The following TM9SF3 variants were observed in gnomAD, a reference collection of about 807,000 sequenced individuals.
TM9SF3 encodes the protein SM-11044-binding protein.
Under a neutral mutation model 78.6 loss-of-function variants are expected in TM9SF3, and 14 were observed. The ratio of observed to expected loss-of-function variants is 0.18; its 90% CI spans 0.12 to 0.28. The LOEUF (loss-of-function observed/expected upper bound fraction) is 0.28. Among genes scored for constraint, TM9SF3 ranks in the 10% least tolerant of loss-of-function variants. The probability of loss-of-function intolerance (pLI) is 1.00; values close to 1 mark genes in which losing one functional copy is unlikely to be tolerated. For synonymous variants in TM9SF3, 231 were observed against 241.7 expected, an observed-to-expected ratio of 0.96 and a Z score of 0.41; for missense variants, 496 against 721.9, an observed-to-expected ratio of 0.69 and a Z score of 3.59.
intron 9 of TM9SF3, among the ~76,000 whole-genome samples, chr10:96,535,664 T>C (rs1274381603): frequency 6.6e-6 from 1 of 152,316 alleles, no homozygotes; most frequent in Middle Eastern, 3.4e-3. Context: ...CTCTAGTCAC[T>C]GTTCAGAGGA....
intron 7 of TM9SF3, among the ~76,000 whole-genome samples, chr10:96,549,422 A>G (rs542913508): frequency 1.3e-5 from 2 of 152,128 alleles, no homozygotes; most frequent in Non-Finnish European, 2.9e-5. Flanking sequence ...CTAGGTTCCA[A>G]TCCCAGCTCA....
Position 96,533,180 on chromosome 10 carries a change from C to G in TM9SF3, c.1196G>C (p.Cys399Ser). Residue 399 changes from cysteine (C) to serine (S), a missense_variant, in exon 10 of 15, where the codon TGT becomes TCT. This residue lies in a region of TM9SF3 where 280 missense variants were observed against 422.6 expected (regional missense o/e 0.66). Coordinates refer to ENST00000371142, the MANE Select transcript of TM9SF3 (RefSeq NM_020123.4). The part of the protein sequence containing the change: ...AIPFGTMVAV[C>S]CICFFVILPL... ...AAGAATAACAAAAAAACAGATGCAA[C>G]AAACGGCCACCTGTAAATTAAATAA... The G allele has an allele frequency of 6.2e-7, 1 of 1,613,528 alleles. No homozygotes were observed. Among genetic ancestry groups the G allele is most frequent in the Non-Finnish European group, 8.5e-7 (1 of 1,179,674 alleles).
chr10:96,586,809 G>T lies in TM9SF3; in HGVS notation c.27C>A (p.Gly9=). The part of the protein sequence containing the change: MRPLPGAL[G]VAAAAALWLL... ...GCCACAGCGCGGCGGCCGCCGCCAC[G>T]CCAAGAGCGCCAGGCAGCGGCCTCA... Residue 9 remains glycine (G), a synonymous_variant, in exon 1 of 15, where the codon GGC becomes GGA. Coordinates refer to ENST00000371142, the MANE Select transcript of TM9SF3 (RefSeq NM_020123.4). 1 of 1,268,896 alleles carries T rather than the reference G, an allele frequency of 7.9e-7. No individual in the cohort carries two copies. The highest frequency in any genetic ancestry group is 9.9e-7 in the Non-Finnish European group (1 of 1,006,726). The allele number at this position is 1,268,896 out of a possible 1,614,324, so 78.6% of individuals were successfully genotyped here. A position where few individuals can be genotyped will look rare whatever the true frequency, so the allele number is the denominator to read the frequency against.
At chr10:96,526,250 A>C (rs1408359801) in intron 14 of TM9SF3, among the ~76,000 whole-genome samples, 1 of 152,104 alleles carries the variant, frequency 6.6e-6, no homozygotes, top group African/African-American at 2.4e-5. Flanking sequence ...ATATCTCACC[A>C]TGTAAATGGC....
chr10:96,524,797 GATAT>G (rs1481236746), intron 14 of TM9SF3, among the ~76,000 whole-genome samples: 3 of 151,446 alleles, frequency 2.0e-5, no homozygotes, highest in Non-Finnish European at 4.4e-5. Flanking sequence ...TAAATTGATG[GATAT>G]ATATAATTTT....
chr10:96,570,911 A>C (rs1230657618), intron 2 of TM9SF3, among the ~76,000 whole-genome samples: 2 of 151,598 alleles, frequency 1.3e-5, no homozygotes, highest in African/African-American at 4.9e-5. Context: ...TAATTTTTGT[A>C]TTTTTTTGGT....
At chr10:96,579,566 A>G (rs768689723) in intron 1 of TM9SF3, among the ~76,000 whole-genome samples, 2 of 152,214 alleles carry the variant, frequency 1.3e-5, no homozygotes, top group African/African-American at 2.4e-5. Context: ...ACATTCAGGA[A>G]TCCTTAACAG....
chr10:96,568,474 A>C (rs1003760771), intron 2 of TM9SF3, among the ~76,000 whole-genome samples: 4 of 152,230 alleles, frequency 2.6e-5, no homozygotes, highest in Non-Finnish European at 5.9e-5. Flanking sequence ...TTCAAACAGA[A>C]AGCAAGGTTA....
chr10:96,555,838 C>T (rs1332310415), intron 5 of TM9SF3, among the ~76,000 whole-genome samples: 1 of 151,980 alleles, frequency 6.6e-6, no homozygotes, highest in East Asian at 1.9e-4. Context: ...GATTTTGTTC[C>T]CACCCTGAGA....
intron 8 of TM9SF3, among the ~76,000 whole-genome samples, chr10:96,547,402 G>A (rs1848114565): frequency 6.6e-6 from 1 of 152,102 alleles, no homozygotes; most frequent in African/African-American, 2.4e-5. Flanking sequence ...ATTACATGGT[G>A]CACAAAGGAG....
chr10:96,523,913 A>G (rs1267115171), intron 14 of TM9SF3, among the ~76,000 whole-genome samples: 1 of 151,884 alleles, frequency 6.6e-6, no homozygotes, highest in African/African-American at 2.4e-5. Flanking sequence ...CAAGTGTGGT[A>G]AATCTGAACA....
At chr10:96,562,811 T>C (rs1848324981) in intron 3 of TM9SF3, among the ~76,000 whole-genome samples, 1 of 152,190 alleles carries the variant, frequency 6.6e-6, no homozygotes, top group African/African-American at 2.4e-5. Context: ...TTATAGGTGG[T>C]AGCTGAGGAT....
At chr10:96,552,844 A>C in intron 6 of TM9SF3, 84 bp downstream of exon 6, 2 of 1,284,558 alleles carry the variant, frequency 1.6e-6, no homozygotes, top group Non-Finnish European at 2.0e-6. Context: ...ACTTCCGGTA[A>C]GAAATTATGA....
intron 2 of TM9SF3, among the ~76,000 whole-genome samples, chr10:96,573,273 G>A (rs1848459724): frequency 6.6e-6 from 1 of 152,132 alleles, no homozygotes. Flanking sequence ...TGGGCTTCTG[G>A]GAGAGGGAAT....
chr10:96,577,543 T>C (rs1848511503), intron 1 of TM9SF3: 1 of 152,234 alleles, frequency 6.6e-6, no homozygotes, highest in Non-Finnish European at 1.5e-5. Context: ...GTGGGAGGCC[T>C]GTCAAAGATT....
At chr10:96,562,216 GTT>G (rs34868868) in intron 3 of TM9SF3, 78 bp from the exon 4 acceptor site, 24,834 of 543,904 alleles carry the variant, frequency 0.046, no homozygotes, top group East Asian at 0.064. Flanking sequence ...TGCTCATTAA[GTT>G]TTTTTTTTTT....
Position 96,522,214 on chromosome 10 carries a change from AC to A in TM9SF3, c.*48del, listed in dbSNP as rs1423970160. 1 of 1,506,490 alleles carries A rather than the reference AC, an allele frequency of 6.6e-7. No individual in the cohort carries two copies. The highest frequency in any genetic ancestry group is 9.1e-7 in the Non-Finnish European group (1 of 1,097,362). The allele number at this position is 1,506,490 out of a possible 1,614,324, so 93.3% of individuals were successfully genotyped here. ...TGTTTGTTTTTGCTGTGCAAGTTCC[AC>A]CCCTATGAAAAAGAAATTGATCCAA... On this transcript the variant is annotated 3_prime_UTR_variant, in exon 15 of 15. Transcript: ENST00000371142.
intron 1 of TM9SF3, among the ~76,000 whole-genome samples, 192 bp downstream of exon 1, chr10:96,586,542 T>C (rs922024104): frequency 5.9e-5 from 9 of 151,940 alleles, no homozygotes; most frequent in Non-Finnish European, 1.0e-4. Flanking sequence ...AGCGGAGCCC[T>C]GTCCCGGGAG....
At chr10:96,585,716 A>G (rs1019384898) in intron 1 of TM9SF3, among the ~76,000 whole-genome samples, 1 of 152,262 alleles carries the variant, frequency 6.6e-6, no homozygotes, top group Non-Finnish European at 1.5e-5. Flanking sequence ...CAGAAATGAC[A>G]TAAGACTCCC....
Sources: gnomAD v4.1 joint callset for allele counts (sites outside exome capture counted in the v4.1 genomes callset) on GRCh38, gnomAD v4.1.1 for gene constraint, gnomAD v4.1.1 regional missense constraint, MANE v1.5 for transcripts, NCBI Gene and HGNC (gene_info 2026-07-23, HGNC 2026-07-21) for gene names.